Variants in GRM7 observed in about 807,000 individuals in gnomAD.
GRM7 encodes metabotropic glutamate receptor 7.
In GRM7, 35 loss-of-function variants were observed where a neutral mutation model predicts 84.5. The ratio of observed to expected loss-of-function variants is 0.41; its 90% CI spans 0.32 to 0.55. The LOEUF (loss-of-function observed/expected upper bound fraction) is 0.55, where lower values mean the gene tolerates loss of function less well. Among genes scored for constraint, GRM7 ranks in the 20% least tolerant of loss-of-function variants. The pLI is 0.19. For synonymous variants in GRM7, 487 were observed against 455.1 expected, an observed-to-expected ratio of 1.07 and a Z score of -0.89; for missense variants, 1,003 against 1,194.6, an observed-to-expected ratio of 0.84 and a Z score of 2.36.
chr3:7,561,779 G>T (rs1694038281), intron 7 of GRM7, among the ~76,000 whole-genome samples: 9 of 152,090 alleles, frequency 5.9e-5, no homozygotes, highest in Admixed American at 5.9e-4. Flanking sequence ...TTATAAGTTT[G>T]TGAGATAGTA....
At chr3:7,007,469 G>C (rs1695222153) in intron 1 of GRM7, among the ~76,000 whole-genome samples, 1 of 152,094 alleles carries the variant, frequency 6.6e-6, no homozygotes, top group Non-Finnish European at 1.5e-5. Context: ...GATTTGGGAA[G>C]GCCTATTAGC....
intron 1 of GRM7, among the ~76,000 whole-genome samples, chr3:7,066,282 T>C (rs974007950): frequency 6.6e-5 from 10 of 151,716 alleles, no homozygotes; most frequent in Admixed American, 2.0e-4. Context: ...ATTAGCAAGA[T>C]TAACCAAGAA....
intron 4 of GRM7, among the ~76,000 whole-genome samples, chr3:7,398,715 A>G (rs1301466868): frequency 6.6e-6 from 1 of 152,006 alleles, no homozygotes; most frequent in African/African-American, 2.4e-5. Context: ...GCATGAGGGT[A>G]TTTGATTTGT....
At chr3:6,919,294 G>A (rs1697040903) in intron 1 of GRM7, among the ~76,000 whole-genome samples, 1 of 151,702 alleles carries the variant, frequency 6.6e-6, no homozygotes, top group African/African-American at 2.4e-5. Flanking sequence ...CAACTCCTGG[G>A]TTCAAGCGAT....
chr3:7,276,793 T>TCCTCCCTCCCTCCCTCCTC (rs1553641241), intron 2 of GRM7, among the ~76,000 whole-genome samples: 2 of 3,310 alleles, frequency 6.0e-4, no homozygotes, highest in African/African-American at 7.4e-4. Flanking sequence ...CTTCCTTCCT[T>TCCTCCCTCCCTCCCTCCTC]CCTTCCTTCC....
At chr3:6,880,112 GGA>G (rs1695454803) in intron 1 of GRM7, among the ~76,000 whole-genome samples, 1 of 152,088 alleles carries the variant, frequency 6.6e-6, no homozygotes, top group Non-Finnish European at 1.5e-5. Context: ...AGGATATTAG[GGA>G]TTTGGCAATC....
chr3:7,729,608 T>G (rs1232917473), intron 9 of GRM7, among the ~76,000 whole-genome samples: 2 of 152,200 alleles, frequency 1.3e-5, no homozygotes, highest in African/African-American at 4.8e-5. Flanking sequence ...TAACGCTGTA[T>G]TTTGCTCTAG....
intron 2 of GRM7, among the ~76,000 whole-genome samples, chr3:7,163,042 G>A (rs1318995308): frequency 6.6e-6 from 1 of 151,916 alleles, no homozygotes; most frequent in Non-Finnish European, 1.5e-5. Context: ...TTACAGGTGT[G>A]AGCCACCATG....
intron 8 of GRM7, among the ~76,000 whole-genome samples, chr3:7,651,392 C>CTGCTGT (rs1285275688): frequency 1.3e-5 from 2 of 152,218 alleles, no homozygotes; most frequent in African/African-American, 4.8e-5. Flanking sequence ...ACCAGCCTCC[C>CTGCTGT]TGCTGTTGCA....
intron 8 of GRM7, among the ~76,000 whole-genome samples, chr3:7,594,933 C>T (rs73809452): frequency 0.013 from 1,903 of 140,994 alleles, 45 homozygotes; most frequent in African/African-American, 0.05. Flanking sequence ...CCCTAGTCTT[C>T]CTTTCTGTGT....
At chr3:7,600,388 G>A (rs777582092) in intron 8 of GRM7, among the ~76,000 whole-genome samples, 66 of 151,958 alleles carry the variant, frequency 4.3e-4, no homozygotes, top group Non-Finnish European at 9.0e-4. Flanking sequence ...GCTGGCAGAG[G>A]GACAAGTTTA....
At chr3:7,511,877 C>T (rs185036084) in intron 7 of GRM7, among the ~76,000 whole-genome samples, 1 of 152,164 alleles carries the variant, frequency 6.6e-6, no homozygotes, top group African/African-American at 2.4e-5. Flanking sequence ...AACAGTGGCT[C>T]ATGCCTGTAA....
chr3:7,060,864 T>G (rs6793642), intron 1 of GRM7, among the ~76,000 whole-genome samples: 36,259 of 151,448 alleles, frequency 0.24, 4,664 homozygotes, highest in African/African-American at 0.34. Flanking sequence ...TGTTTTTGTG[T>G]CCTATCATTG....
chr3:7,219,878 T>C (rs546886251), intron 2 of GRM7, among the ~76,000 whole-genome samples: 1 of 152,280 alleles, frequency 6.6e-6, no homozygotes, highest in African/African-American at 2.4e-5. Context: ...GAGTATCTTG[T>C]GGTGCTAGAA....
intron 2 of GRM7, among the ~76,000 whole-genome samples, chr3:7,231,164 GGGAGTGAGCTATGGACACTGAATTA>G (rs1175067694): frequency 1.3e-5 from 2 of 152,170 alleles, no homozygotes; most frequent in Non-Finnish European, 2.9e-5. Context: ...GGAAGGCTCT[GGGAGTGAGCTATGGACACTGAATTA>G]GGCATTTGAC....
At chr3:7,219,759 C>T (rs1490623559) in intron 2 of GRM7, among the ~76,000 whole-genome samples, 1 of 152,174 alleles carries the variant, frequency 6.6e-6, no homozygotes, top group Non-Finnish European at 1.5e-5. Context: ...ACCTGGCATG[C>T]AGGTCTTGGT....
chr3:7,495,326 C>T (rs1456967166), intron 7 of GRM7, among the ~76,000 whole-genome samples: 1 of 152,058 alleles, frequency 6.6e-6, no homozygotes, highest in East Asian at 1.9e-4. Flanking sequence ...TCCTCAAACC[C>T]TGGTTTCTCT....
chr3:7,054,386 T>C (rs749302120), intron 1 of GRM7, among the ~76,000 whole-genome samples: 21 of 150,270 alleles, frequency 1.4e-4, no homozygotes, highest in Non-Finnish European at 2.7e-4. Context: ...TCTTTTATGA[T>C]ATATATATCA....
chr3:7,215,508 CA>C (rs958258296), intron 2 of GRM7, among the ~76,000 whole-genome samples: 4 of 151,586 alleles, frequency 2.6e-5, no homozygotes, highest in Non-Finnish European at 4.4e-5. Flanking sequence ...ACTAAAAATA[CA>C]AAAAAATTAG....
Sources: gnomAD v4.1 joint callset for allele counts (sites outside exome capture counted in the v4.1 genomes callset) on GRCh38, gnomAD v4.1.1 for gene constraint, MANE v1.5 for transcripts, NCBI Gene and HGNC (gene_info 2026-07-23, HGNC 2026-07-21) for gene names.